The following ZNF398 variants were observed in gnomAD, a reference collection of about 807,000 sequenced individuals.
The protein encoded by ZNF398 is zinc finger DNA binding protein ZER6.
In ZNF398, 18 loss-of-function variants were observed where a neutral mutation model predicts 41.9. That is an observed-to-expected ratio of 0.43 (90% confidence interval 0.30 to 0.64). The LOEUF (loss-of-function observed/expected upper bound fraction) is 0.64, where lower values mean the gene tolerates loss of function less well. Among genes scored for constraint, ZNF398 ranks in the 30% least tolerant of loss-of-function variants. The pLI is 0.14. For missense variants in ZNF398, 669 were observed against 822.8 expected (o/e 0.81, Z 2.29); for synonymous variants, 260 against 308.8 (o/e 0.84, Z 1.66).
At chr7:149,154,985 T>C (rs1434258186) in intron 2 of ZNF398, among the ~76,000 whole-genome samples, 1 of 102,864 alleles carries the variant, frequency 9.7e-6, no homozygotes, top group Non-Finnish European at 2.1e-5. Context: ...GCAAAACTCC[T>C]TCTAAAAAAA....
At chr7:149,134,571 C>T (rs115180748) in intron 2 of ZNF398, among the ~76,000 whole-genome samples, 115 of 152,256 alleles carry the variant, frequency 7.6e-4, no homozygotes, top group African/African-American at 2.5e-3. Flanking sequence ...TTAATGATCT[C>T]TCTGTACAAC....
rs1259829098 is a variant in ZNF398 at position 149,181,045 on chromosome 7, A to G, written c.*1244A>G. 6.6e-6 allele frequency: 1 copy of G among 152,604 alleles called. No individual in the cohort carries two copies. Among genetic ancestry groups the G allele is most frequent in the Admixed American group, 6.5e-5 (1 of 15,280 alleles). The allele number at this position is 152,604 out of a possible 1,614,324, so 9.5% of individuals were successfully genotyped here. A position where few individuals can be genotyped will look rare whatever the true frequency, so the allele number is the denominator to read the frequency against. On this transcript the variant is annotated 3_prime_UTR_variant, in exon 6 of 6. Coordinates refer to ENST00000475153, the MANE Select transcript of ZNF398 (RefSeq NM_170686.3). ...CATGTTCTTTTCTTGGGGTGATTTAATCACCTGGGAGCATCTGAGTCTGCT... is the reference window on the plus strand; with the variant it reads ...CATGTTCTTTTCTTGGGGTGATTTAGTCACCTGGGAGCATCTGAGTCTGCT...
At chr7:149,134,247 GT>G in intron 2 of ZNF398, among the ~76,000 whole-genome samples, 1 of 150,164 alleles carries the variant, frequency 6.7e-6, no homozygotes, top group East Asian at 1.9e-4. Context: ...TTGTTTTTTT[GT>G]TTTTTTTGGA....
chr7:149,170,734 CA>C (rs981087671), intron 4 of ZNF398, among the ~76,000 whole-genome samples: 51 of 142,564 alleles, frequency 3.6e-4, no homozygotes, highest in Middle Eastern at 3.6e-3. Flanking sequence ...GACTCCATCT[CA>C]AAAAAAAAAA....
chr7:149,156,861 CAAAAAA>C (rs11400806), intron 2 of ZNF398, among the ~76,000 whole-genome samples: 1 of 141,180 alleles, frequency 7.1e-6, no homozygotes, highest in Admixed American at 7.1e-5. Context: ...AACTCCATTT[CAAAAAA>C]AAAAAAAAGA....
chr7:149,160,388 A>G (rs1264986585), intron 2 of ZNF398, among the ~76,000 whole-genome samples: 1 of 152,226 alleles, frequency 6.6e-6, no homozygotes, highest in East Asian at 1.9e-4. Context: ...CTGAGAGTAT[A>G]GACCAGTTTA....
intron 2 of ZNF398, among the ~76,000 whole-genome samples, chr7:149,165,424 C>G (rs4725800): frequency 0.59 from 90,330 of 152,046 alleles, 28,380 homozygotes; most frequent in East Asian, 0.9. Flanking sequence ...CCCAGAAAAA[C>G]AGGAAATCTT....
intron 2 of ZNF398, among the ~76,000 whole-genome samples, chr7:149,163,754 C>T (rs540541137): frequency 1.3e-5 from 2 of 152,262 alleles, no homozygotes; most frequent in East Asian, 1.9e-4. Context: ...GGAGCCACTG[C>T]GCCTGGCCAA....
rs1795582907 is a variant in ZNF398, at chr7:149,181,228, C to CT, written c.*1428dup. The CT allele has an allele frequency of 1.3e-5, 2 of 152,716 alleles. No individual in the cohort carries two copies. The highest frequency in any genetic ancestry group is 6.5e-5 in the Admixed American group (1 of 15,294). 9.5% of individuals were successfully genotyped at this position (152,716 alleles called of 1,614,324 possible). A position where few individuals can be genotyped will look rare whatever the true frequency, so the allele number is the denominator to read the frequency against. Reference sequence around the variant, plus strand: ...TCCTTTTCCTGCCAAAGTTCTGTCTCTGTCTTTGGCTTCTGTCCAGGCAAA... The same window carrying CT: ...TCCTTTTCCTGCCAAAGTTCTGTCTCTTGTCTTTGGCTTCTGTCCAGGCAAA... On this transcript the variant is annotated 3_prime_UTR_variant, in exon 6 of 6. Coordinates refer to ENST00000475153, the MANE Select transcript of ZNF398 (RefSeq NM_170686.3).
chr7:149,173,354 G>A (rs960052109), intron 4 of ZNF398, among the ~76,000 whole-genome samples: 11 of 152,030 alleles, frequency 7.2e-5, no homozygotes, highest in African/African-American at 1.7e-4. Flanking sequence ...TGATCCACCC[G>A]TCTCGGCCTC....
chr7:149,126,683 A>C (rs1563150700), intron 1 of ZNF398: 2 of 168,464 alleles, frequency 1.2e-5, no homozygotes, highest in Non-Finnish European at 2.5e-5. Flanking sequence ...TTCCTTCCAA[A>C]GCTGCCCCCA....
At chr7:149,168,564 TTTATTA>T (rs142740926) in intron 4 of ZNF398, among the ~76,000 whole-genome samples, 2 of 151,344 alleles carry the variant, frequency 1.3e-5, no homozygotes, top group East Asian at 2.0e-4. Context: ...CTGCCTCACA[TTTATTA>T]TTATTATTAT....
chr7:149,154,396 A>T (rs1013792905), intron 2 of ZNF398, 56 bp downstream of exon 2: 12 of 1,497,466 alleles, frequency 8.0e-6, no homozygotes, highest in African/African-American at 1.4e-5. Flanking sequence ...CATTAGTAGT[A>T]GTCTTGGTCA....
chr7:149,154,726 C>T (rs770166814), intron 2 of ZNF398, among the ~76,000 whole-genome samples: 21 of 151,980 alleles, frequency 1.4e-4, no homozygotes, highest in African/African-American at 3.4e-4. Flanking sequence ...AGGCTGGGCG[C>T]GGTGGCTCAT....
intron 2 of ZNF398, among the ~76,000 whole-genome samples, chr7:149,138,905 ATGCCCAG>A: frequency 7.3e-6 from 1 of 137,304 alleles, no homozygotes; most frequent in South Asian, 2.4e-4. Context: ...GCATGCCACT[ATGCCCAG>A]CTAATTTTTT....
chr7:149,172,997 A>G (rs1563165573), intron 4 of ZNF398, among the ~76,000 whole-genome samples: 2 of 152,028 alleles, frequency 1.3e-5, no homozygotes, highest in East Asian at 3.8e-4. Flanking sequence ...CAGAGTCATA[A>G]TCTTTTTGCT....
At chr7:149,157,937 T>C (rs535040925) in intron 2 of ZNF398, among the ~76,000 whole-genome samples, 1 of 150,162 alleles carries the variant, frequency 6.7e-6, no homozygotes, top group South Asian at 2.1e-4. Flanking sequence ...CCGTGGCTCA[T>C]GGTGGCAGGC....
intron 2 of ZNF398, among the ~76,000 whole-genome samples, chr7:149,132,193 TC>T (rs1291406700): frequency 2.0e-5 from 2 of 98,814 alleles, no homozygotes; most frequent in Admixed American, 1.4e-4. Flanking sequence ...ATTCTCTCTC[TC>T]TTTTTTTTTT....
intron 1 of ZNF398, 51 bp from the exon 2 acceptor site, chr7:149,153,894 A>G (rs765135082): frequency 6.4e-7 from 1 of 1,551,696 alleles, no homozygotes; most frequent in Non-Finnish European, 8.7e-7. Context: ...GTTTGGAGTT[A>G]GGGTTCCTTC....
Sources: gnomAD v4.1 joint callset for allele counts (sites outside exome capture counted in the v4.1 genomes callset) on GRCh38, gnomAD v4.1.1 for gene constraint, MANE v1.5 for transcripts, NCBI Gene and HGNC (gene_info 2026-07-23, HGNC 2026-07-21) for gene names.